SLURP2: variants seen among roughly 807,000 people sequenced by gnomAD.
SLURP2 encodes secreted Ly-6/uPAR domain-containing protein 2.
A neutral mutation model predicts 9.8 loss-of-function variants in SLURP2; 4 were observed. The ratio of observed to expected loss-of-function variants is 0.41; its 90% CI spans 0.20 to 0.94. The LOEUF is 0.94. Among genes scored for constraint, SLURP2 ranks in the 40% least tolerant of loss-of-function variants. The pLI, the probability that SLURP2 is intolerant of heterozygous loss-of-function variation, is 0.32. For missense variants in SLURP2, 118 were observed against 126.4 expected, an observed-to-expected ratio of 0.93 and a Z score of 0.32; for synonymous variants, 58 against 56.2, an observed-to-expected ratio of 1.03 and a Z score of -0.15.
In SLURP2 at chr8:142,768,295, C is replaced by T. The variant is rs1815065493; in HGVS notation, c.52+1460G>A. 6.6e-6 allele frequency among the ~76,000 whole-genome samples: 1 copy of T among 151,836 alleles called. No homozygotes were observed. The highest frequency in any genetic ancestry group is 2.4e-5 in the African/African-American group (1 of 41,312). ...ATGGTGGGATGGGCTCTGGGTGTAGCTGCATGGCTGGGGGCAGGTCTCTCC... is the reference window on the plus strand; with the variant it reads ...ATGGTGGGATGGGCTCTGGGTGTAGTTGCATGGCTGGGGGCAGGTCTCTCC... On this transcript the variant is annotated intron_variant, in intron 1 of 2. Coordinates refer to ENST00000317543, the MANE Select transcript of SLURP2 (RefSeq NM_177458.3). This position sits in a 1 kb window ranked among gnomAD's most constrained non-coding sequence, Gnocchi z 4.8.
chr8:142,764,807 C>T, intron 2 of SLURP2, 66 bp from the exon 3 acceptor site: 1 of 1,581,164 alleles, frequency 6.3e-7, no homozygotes, highest in African/African-American at 1.4e-5. Context: ...CCTGCTGCCC[C>T]ATCTGCCACT....
intron 1 of SLURP2, among the ~76,000 whole-genome samples, chr8:142,765,477 G>T (rs56033951): frequency 1.4e-3 from 104 of 73,232 alleles, no homozygotes; most frequent in African/African-American, 4.4e-3. Flanking sequence ...GTGGGGGGTG[G>T]GGAGGAGGTG....
At chr8:142,769,106 C>T (rs1815091584) in intron 1 of SLURP2, among the ~76,000 whole-genome samples, 2 of 151,956 alleles carry the variant, frequency 1.3e-5, no homozygotes. Flanking sequence ...CAGGTGTGCA[C>T]AGCTGTGCTT....
intron 1 of SLURP2, among the ~76,000 whole-genome samples, chr8:142,765,914 G>T (rs374522585): frequency 1.3e-5 from 2 of 151,126 alleles, no homozygotes; most frequent in East Asian, 1.9e-4. Context: ...AGTGAGCCGA[G>T]ATCGCGCCAC....
At position 142,764,497 on chromosome 8, in the gene SLURP2, G is replaced by A. The variant is rs751155454; in HGVS notation, c.*108C>T. 105 of 1,157,140 alleles carry A rather than the reference G, an allele frequency of 9.1e-5. 1 individual carries two copies. The Admixed American group carries it at 1.8e-3, about 20-fold the overall frequency. The allele number at this position is 1,157,140 out of a possible 1,614,324, so 71.7% of individuals were successfully genotyped here. A position where few individuals can be genotyped will look rare whatever the true frequency, so the allele number is the denominator to read the frequency against. ...GTGCTGGACGGTGGCTGCAGAGGCC[G>A]GGAGAGGTGGGCTGGCCAGTCTCGA... On this transcript the variant is annotated 3_prime_UTR_variant, in exon 3 of 3. Coordinates refer to ENST00000317543, the MANE Select transcript of SLURP2 (RefSeq NM_177458.3).
At position 142,764,513 on chromosome 8, in the gene SLURP2, C is replaced by T; in HGVS notation, c.*92G>A. On this transcript the variant is annotated 3_prime_UTR_variant, in exon 3 of 3. Transcript: ENST00000317543. The stretch of plus-strand genomic sequence containing the variant: ...GCAGAGGCCGGGAGAGGTGGGCTGG[C>T]CAGTCTCGAGGGAGGGGCAGCTGTG... The T allele has an allele frequency of 7.5e-7, 1 of 1,332,596 alleles. No homozygotes were observed. The highest frequency in any genetic ancestry group is 1.5e-5 in the African/African-American group (1 of 68,530). The allele number at this position is 1,332,596 out of a possible 1,614,324, so 82.5% of individuals were successfully genotyped here.
rs1587607901 is a variant in SLURP2, at chr8:142,769,751, T to A, written c.52+4A>T. 1 of 1,601,746 alleles carries A rather than the reference T, an allele frequency of 6.2e-7. No individual in the cohort carries two copies. The highest frequency in any genetic ancestry group is 2.3e-5 in the East Asian group (1 of 44,328). ...CAGGAGGTGGCCCCAGCCCCTGGACTCACCCAGCTGCAGGCTCAGGACGGC... is the reference window on the plus strand; with the variant it reads ...CAGGAGGTGGCCCCAGCCCCTGGACACACCCAGCTGCAGGCTCAGGACGGC... On this transcript the variant is annotated splice_donor_region_variant and intron_variant, in intron 1 of 2. Coordinates refer to ENST00000317543, the MANE Select transcript of SLURP2 (RefSeq NM_177458.3).
In SLURP2 at chr8:142,768,569, G is replaced by C. The variant is rs995434423; in HGVS notation, c.52+1186C>G. On this transcript the variant is annotated intron_variant, in intron 1 of 2. Coordinates refer to ENST00000317543, the MANE Select transcript of SLURP2 (RefSeq NM_177458.3). This position sits in a 1 kb window ranked among gnomAD's most constrained non-coding sequence, Gnocchi z 4.8. The stretch of plus-strand genomic sequence containing the variant: ...GCAGGGAAGGGCCTCTGGGTCAGAG[G>C]GGAGTCCGTGGGCACCGGGCACCCA... Among the ~76,000 whole-genome samples the C allele has an allele frequency of 3.3e-5, 5 of 152,120 alleles. No individual in the cohort carries two copies. The highest frequency in any genetic ancestry group is 1.2e-4 in the African/African-American group (5 of 41,420).
In SLURP2 at chr8:142,768,383, T is replaced by C. The variant is rs587701115; in HGVS notation, c.52+1372A>G. 1.3e-5 allele frequency among the ~76,000 whole-genome samples: 2 copies of C among 152,042 alleles called. No individual in the cohort carries two copies. The highest frequency in any genetic ancestry group is 4.2e-4 in the South Asian group (2 of 4,806). On this transcript the variant is annotated intron_variant, in intron 1 of 2. Transcript: ENST00000317543. The surrounding 1 kb of genome is among the most constrained non-coding windows in gnomAD (Gnocchi z 4.8). ...CCCCTCGGGGAGATTGTGCTGTCCA[T>C]GTATGGCAGAGAGCAGACACCAAGC...
intron 1 of SLURP2, among the ~76,000 whole-genome samples, chr8:142,767,697 T>A (rs80249293): frequency 6.6e-6 from 1 of 152,000 alleles, no homozygotes; most frequent in East Asian, 1.9e-4. Context: ...TGGTTCCAAC[T>A]CTGACACACC....
At chr8:142,764,978 C>A in intron 2 of SLURP2, 58 bp downstream of exon 2, 1 of 1,446,202 alleles carries the variant, frequency 6.9e-7, no homozygotes, top group African/African-American at 1.4e-5. Flanking sequence ...CCCTCTGAGC[C>A]CACATCTTCC....
rs587646762 is a variant in SLURP2, at chr8:142,765,256, C to T, written c.53-116G>A. On this transcript the variant is annotated intron_variant, in intron 1 of 2. Coordinates refer to ENST00000317543, the MANE Select transcript of SLURP2 (RefSeq NM_177458.3). ...GCAGCCCATGCTCCTTCTCAGCGGC[C>T]AGTGTCCCGACCCTGTGATCCAGCC... The T allele has an allele frequency of 3.8e-6, 3 of 785,558 alleles. No homozygotes were observed. The East Asian group carries it at 8.3e-5, about 22-fold the overall frequency. 48.7% of individuals were successfully genotyped at this position (785,558 alleles called of 1,614,324 possible).
At chr8:142,764,842 T>A in intron 2 of SLURP2, 101 bp from the exon 3 acceptor site, 2 of 1,443,070 alleles carry the variant, frequency 1.4e-6, no homozygotes, top group East Asian at 4.5e-5. Flanking sequence ...ACGCCCCAGG[T>A]ACATGAAGCA....
Position 142,764,898 on chromosome 8 carries a change from C to T in SLURP2, c.157+138G>A. On this transcript the variant is annotated intron_variant, in intron 2 of 2. Transcript: ENST00000317543. ...ACGTGGCCCTTTGCTCATACCCTTC[C>T]CTGGGCATCACTGGCGGACACTCCC... 6 of 1,144,960 alleles carry T rather than the reference C, an allele frequency of 5.2e-6. No homozygotes were observed. The South Asian group carries it at 6.6e-5, about 13-fold the overall frequency. 70.9% of individuals were successfully genotyped at this position (1,144,960 alleles called of 1,614,324 possible). A position where few individuals can be genotyped will look rare whatever the true frequency, so the allele number is the denominator to read the frequency against.
chr8:142,768,802 T>C lies in SLURP2; in HGVS notation c.52+953A>G, dbSNP rs942450616. On this transcript the variant is annotated intron_variant, in intron 1 of 2. Transcript: ENST00000317543. This position sits in a 1 kb window ranked among gnomAD's most constrained non-coding sequence, Gnocchi z 4.8. ...CTCAGCCTCTCATAGGCCAGGAGGG[T>C]GCCCCTGGGGATGGAGACTGGAGGG... Among the ~76,000 whole-genome samples the C allele has an allele frequency of 2.0e-5, 3 of 151,766 alleles. No homozygotes were observed. Among genetic ancestry groups the C allele is most frequent in the Admixed American group, 2.0e-4 (3 of 15,252 alleles).
intron 1 of SLURP2, among the ~76,000 whole-genome samples, chr8:142,767,245 G>C (rs587714784): frequency 9.9e-4 from 151 of 152,316 alleles, no homozygotes; most frequent in African/African-American, 3.6e-3. Flanking sequence ...ATCAGCTTTG[G>C]CCCCTCTACC....
In SLURP2 at chr8:142,764,676, T is replaced by C; in HGVS notation, c.223A>G (p.Ile75Val). 6.2e-7 allele frequency: 1 copy of C among 1,612,496 alleles called. No individual in the cohort carries two copies. Among genetic ancestry groups the C allele is most frequent in the Non-Finnish European group, 8.5e-7 (1 of 1,179,474 alleles). ...TAGGGGCCCAGGCCCAGGCTGGGGA[T>C]ATCGGGGCAGCCTATGTGGCACATC... is the stretch of plus-strand genomic sequence containing the variant. ...TKMCHIGCPD[I>V]PSLGLGPYVS... Residue 75 changes from isoleucine (I) to valine (V), a missense_variant, in exon 3 of 3, where the codon ATC (isoleucine) becomes GTC (valine). By Grantham distance (29) the Ile-to-Val change is conservative. Transcript: ENST00000317543.
chr8:142,769,658 C>T, intron 1 of SLURP2, 97 bp downstream of exon 1: 1 of 1,127,052 alleles, frequency 8.9e-7, no homozygotes, highest in South Asian at 1.4e-5. Flanking sequence ...ATGGGTTCTC[C>T]CGAGGTGGGC....
chr8:142,768,331 C>A lies in SLURP2; in HGVS notation c.52+1424G>T, dbSNP rs1033293284. 6.6e-6 allele frequency among the ~76,000 whole-genome samples: 1 copy of A among 151,960 alleles called. No homozygotes were observed. Among genetic ancestry groups the A allele is most frequent in the Non-Finnish European group, 1.5e-5 (1 of 67,970 alleles). On this transcript the variant is annotated intron_variant, in intron 1 of 2. Coordinates refer to ENST00000317543, the MANE Select transcript of SLURP2 (RefSeq NM_177458.3). The surrounding 1 kb of genome is among the most constrained non-coding windows in gnomAD (Gnocchi z 4.8). ...GGGGCAGGTCTCTCCCACTGGGGAC[C>A]CCCGTGCTGGCTCTGAAGCAGGCTG...
Sources: allele counts gnomAD v4.1 joint callset (sites outside exome capture counted in the v4.1 genomes callset), GRCh38; gene constraint gnomAD v4.1.1; non-coding constraint Gnocchi (gnomAD v3.1); transcripts MANE v1.5; gene names NCBI Gene and HGNC (gene_info 2026-07-23, HGNC 2026-07-21).